LANCL2: variants seen among roughly 807,000 people sequenced by gnomAD.
LANCL2 encodes lanC-like protein 2.
Under a neutral mutation model 56.9 loss-of-function variants are expected in LANCL2, and 33 were observed. That is an observed-to-expected ratio of 0.58 (90% CI 0.44 to 0.78). LANCL2 has a LOEUF of 0.78. Among genes scored for constraint, LANCL2 ranks in the 30% least tolerant of loss-of-function variants. The probability of loss-of-function intolerance (pLI) is 0.00; values close to 1 mark genes in which losing one functional copy is unlikely to be tolerated. For missense variants in LANCL2, 562 were observed against 580.2 expected, an observed-to-expected ratio of 0.97 and a Z score of 0.32; for synonymous variants, 233 against 228.2, an observed-to-expected ratio of 1.02 and a Z score of -0.19.
intron 1 of LANCL2, among the ~76,000 whole-genome samples, chr7:55,366,909 T>C (rs1789881004): frequency 6.6e-6 from 1 of 152,156 alleles, no homozygotes; most frequent in Non-Finnish European, 1.5e-5. Flanking sequence ...GCGGGGAGGC[T>C]AATGGAAGAT....
intron 5 of LANCL2, among the ~76,000 whole-genome samples, chr7:55,402,249 C>T (rs1790341110): frequency 7.5e-6 from 1 of 133,430 alleles, no homozygotes; most frequent in Non-Finnish European, 1.6e-5. Context: ...GGGCGGGGGG[C>T]TGACCCCCCC....
intron 2 of LANCL2, among the ~76,000 whole-genome samples, chr7:55,395,648 G>C (rs975485536): frequency 2.6e-5 from 4 of 152,174 alleles, no homozygotes; most frequent in Non-Finnish European, 5.9e-5. Context: ...AGAGACTTCA[G>C]TTTTCCAGTC....
In LANCL2 at chr7:55,391,871, G is replaced by T. The variant is rs752037052; in HGVS notation, c.283G>T (p.Ala95Ser). ...GCAAATGGAAGAAGGGCTGAAGACA[G>T]CTGATCCCCATGACTGCTCTGCTTA... is the stretch of plus-strand genomic sequence containing the variant. ...LQQMEEGLKT[A>S]DPHDCSAYTG... Residue 95 changes from alanine (A) to serine (S), a missense_variant, in exon 2 of 9, where the codon GCT becomes TCT. Ala to Ser is a moderately conservative substitution (Grantham distance 99). Around this residue, in one of 2 missense-constraint regions of LANCL2, gnomAD observed 378 missense variants for 468.4 expected, o/e 0.81. Coordinates refer to ENST00000254770, the MANE Select transcript of LANCL2 (RefSeq NM_018697.4). 3 of 1,611,342 alleles carry T rather than the reference G, an allele frequency of 1.9e-6. No homozygotes were observed. The highest frequency in any genetic ancestry group is 2.5e-6 in the Non-Finnish European group (3 of 1,177,548).
Position 55,403,224 on chromosome 7 carries a change from C to T in LANCL2, c.825+1904C>T, listed in dbSNP as rs550192256. 1.6e-4 allele frequency among the ~76,000 whole-genome samples: 25 copies of T among 152,400 alleles called. No individual in the cohort carries two copies. In the East Asian group the frequency reaches 4.6e-3, roughly 28 times the overall value. On this transcript the variant is annotated intron_variant, in intron 5 of 8. Coordinates refer to ENST00000254770, the MANE Select transcript of LANCL2 (RefSeq NM_018697.4). Reference sequence around the variant, plus strand: ...GGGAGGCCGAGGCTGGCGGATCACTCGCGGTTAGGAGCTGGAGACCAGCCT... The same window carrying T: ...GGGAGGCCGAGGCTGGCGGATCACTTGCGGTTAGGAGCTGGAGACCAGCCT...
chr7:55,397,820 G>C (rs1790272932), intron 2 of LANCL2, among the ~76,000 whole-genome samples: 1 of 151,902 alleles, frequency 6.6e-6, no homozygotes, highest in Non-Finnish European at 1.5e-5. Context: ...GTTGGTGGGT[G>C]GTGAACCACA....
chr7:55,402,018 G>A (rs1395926023), intron 5 of LANCL2, among the ~76,000 whole-genome samples: 3 of 137,300 alleles, frequency 2.2e-5, no homozygotes, highest in Admixed American at 7.0e-5. Context: ...CCACAAAACC[G>A]CCATTGTCAT....
At position 55,433,128 on chromosome 7, in the gene LANCL2, C is replaced by CA. The variant is rs1790750376; in HGVS notation, c.*1809dup. The stretch of plus-strand genomic sequence containing the variant: ...GGAAGCCAGTAGGCAACACAGCCAG[C>CA]ACGGTGCTCTCCAGGGCAGCCCCTC... On this transcript the variant is annotated 3_prime_UTR_variant, in exon 9 of 9. Transcript: ENST00000254770. 1 of 152,500 alleles carries CA rather than the reference C, an allele frequency of 6.6e-6. No homozygotes were observed. The highest frequency in any genetic ancestry group is 1.5e-5 in the Non-Finnish European group (1 of 68,186). The allele number at this position is 152,500 out of a possible 1,614,324, so 9.4% of individuals were successfully genotyped here. A position where few individuals can be genotyped will look rare whatever the true frequency, so the allele number is the denominator to read the frequency against.
chr7:55,410,941 A>ATGTC (rs898956250), intron 5 of LANCL2, among the ~76,000 whole-genome samples: 6 of 88,162 alleles, frequency 6.8e-5, no homozygotes, highest in African/African-American at 1.4e-4. Flanking sequence ...CATTCTAAGG[A>ATGTC]TGTCATGTGG....
At chr7:55,400,334 C>T (rs1046103727) in intron 4 of LANCL2, among the ~76,000 whole-genome samples, 1 of 152,194 alleles carries the variant, frequency 6.6e-6, no homozygotes, top group Non-Finnish European at 1.5e-5. Context: ...TAAACAGCAG[C>T]AGCTTCAGAA....
intron 6 of LANCL2, among the ~76,000 whole-genome samples, chr7:55,421,476 C>G (rs1296226054): frequency 6.6e-6 from 1 of 151,594 alleles, no homozygotes; most frequent in Non-Finnish European, 1.5e-5. Flanking sequence ...GTAGCTGGGA[C>G]TACAGGCACG....
rs1182693662 is a variant in LANCL2, at chr7:55,433,447, CAG to C, written c.*2128_*2129del. 2 of 152,182 alleles carry C rather than the reference CAG, an allele frequency of 1.3e-5. No homozygotes were observed. The highest frequency in any genetic ancestry group is 2.9e-5 in the Non-Finnish European group (2 of 68,030). The allele number at this position is 152,182 out of a possible 1,614,324, so 9.4% of individuals were successfully genotyped here. On this transcript the variant is annotated 3_prime_UTR_variant, in exon 9 of 9. Coordinates refer to ENST00000254770, the MANE Select transcript of LANCL2 (RefSeq NM_018697.4). ...CCTGCCTCATGTCTGTAACATGTGA[CAG>C]TAATTCCAGCTCGGTCCCTCCAGGC... is the stretch of plus-strand genomic sequence containing the variant.
chr7:55,371,212 G>C (rs1490024888), intron 1 of LANCL2, among the ~76,000 whole-genome samples: 4 of 151,940 alleles, frequency 2.6e-5, no homozygotes, highest in Non-Finnish European at 5.9e-5. Context: ...TAACTGTTTT[G>C]TTCTCTATCT....
At chr7:55,379,758 A>G (rs1790044712) in intron 1 of LANCL2, 1 of 152,690 alleles carries the variant, frequency 6.5e-6, no homozygotes, top group Non-Finnish European at 1.5e-5. Context: ...GCATTCAGTA[A>G]CAGAAGCAAA....
chr7:55,375,537 C>G (rs1301163485), intron 1 of LANCL2, among the ~76,000 whole-genome samples: 1 of 152,212 alleles, frequency 6.6e-6, no homozygotes, highest in Non-Finnish European at 1.5e-5. Flanking sequence ...GACTCTGTTG[C>G]TTGGCCATTC....
intron 5 of LANCL2, among the ~76,000 whole-genome samples, chr7:55,402,837 G>A (rs1790356501): frequency 6.9e-6 from 1 of 145,138 alleles, no homozygotes; most frequent in African/African-American, 2.6e-5. Context: ...TCACATCCCA[G>A]ACGGGGCGGC....
At chr7:55,389,705 G>A (rs1247984303) in intron 1 of LANCL2, among the ~76,000 whole-genome samples, 3 of 152,148 alleles carry the variant, frequency 2.0e-5, no homozygotes, top group African/African-American at 4.8e-5. Context: ...TGCAGGTAGG[G>A]TATGATGGCC....
At chr7:55,373,721 CATTTT>C (rs1789971396) in intron 1 of LANCL2, among the ~76,000 whole-genome samples, 1 of 152,032 alleles carries the variant, frequency 6.6e-6, no homozygotes, top group Admixed American at 6.6e-5. Context: ...GCATTTTTTG[CATTTT>C]ATTTAATGAT....
intron 1 of LANCL2, among the ~76,000 whole-genome samples, chr7:55,384,569 A>T (rs992832070): frequency 1.3e-5 from 2 of 151,524 alleles, no homozygotes; most frequent in African/African-American, 2.4e-5. Context: ...ATAATTAATT[A>T]AAAAAAAAGA....
intron 5 of LANCL2, among the ~76,000 whole-genome samples, chr7:55,403,782 G>T (rs1583756694): frequency 6.6e-6 from 1 of 151,884 alleles, no homozygotes; most frequent in Non-Finnish European, 1.5e-5. Context: ...ATATCGGCCA[G>T]GCTGGTCTCA....
Sources: allele counts gnomAD v4.1 joint callset (sites outside exome capture counted in the v4.1 genomes callset), GRCh38; gene constraint gnomAD v4.1.1; regional missense constraint gnomAD v4.1.1; transcripts MANE v1.5; gene names NCBI Gene and HGNC (gene_info 2026-07-23, HGNC 2026-07-21).